DMD: variants seen among roughly 807,000 people sequenced by gnomAD.
The protein encoded by DMD is mutant dystrophin.
DMD carries 63 observed loss-of-function variants against 330.1 expected under a neutral mutation model. That is an observed-to-expected ratio of 0.19 (90% CI 0.16 to 0.24). DMD has a LOEUF of 0.24. Among genes scored for constraint, DMD ranks in the 10% least tolerant of loss-of-function variants. The pLI, the probability that DMD is intolerant of heterozygous loss-of-function variation, is 1.00. For synonymous variants in DMD, 1,223 were observed against 959.8 expected (o/e 1.27, Z -5.07); for missense variants, 3,344 against 2,684.1 (o/e 1.25, Z -5.43).
At chrX:32,691,844 T>G (rs1569461024) in intron 9 of DMD, among the ~76,000 whole-genome samples, 2 of 111,440 alleles carry the variant, frequency 1.8e-5, no homozygotes, top group Non-Finnish European at 3.8e-5. Flanking sequence ...AAAGAGATCC[T>G]GCCACATTAA....
At chrX:32,386,971 GT>G (rs769234117) in intron 32 of DMD, among the ~76,000 whole-genome samples, 1 of 110,188 alleles carries the variant, frequency 9.1e-6, no homozygotes, top group South Asian at 3.8e-4. Context: ...TTACATATTA[GT>G]AACATTAAAG....
intron 47 of DMD, among the ~76,000 whole-genome samples, chrX:31,908,894 C>T (rs1466055973): frequency 9.0e-6 from 1 of 111,120 alleles, no homozygotes; most frequent in South Asian, 3.8e-4. Context: ...CAAAGAGATG[C>T]AAGTACAGGA....
chrX:32,801,269 T>C, intron 7 of DMD, among the ~76,000 whole-genome samples: 1 of 112,227 alleles, frequency 8.9e-6, no homozygotes, highest in East Asian at 2.8e-4. Context: ...ATTTCTCTAA[T>C]GACCAGTGAT....
Position 31,479,093 on chromosome X carries a change from C to G in DMD, c.8558G>C (p.Arg2853Thr). Residue 2853 changes from arginine to threonine, a missense_variant, in exon 58 of 79, where the codon AGG (arginine) becomes ACG (threonine). Arg to Thr is a moderately conservative substitution (Grantham distance 71). Transcript: ENST00000357033. ...KQNDVHRAFK[R>T]ELKTKEPVIM... ...TACAGGTTCTTTAGTTTTCAATTCC[C>G]TCTTGAAGGCCTGTGAAATGAGATG... The G allele has an allele frequency of 8.3e-7, 1 of 1,210,364 alleles. No individual in the cohort carries two copies. Among genetic ancestry groups the G allele is most frequent in the Non-Finnish European group, 1.1e-6 (1 of 894,648 alleles).
At chrX:32,127,185 T>C (rs948665834) in intron 44 of DMD, among the ~76,000 whole-genome samples, 9 of 111,629 alleles carry the variant, frequency 8.1e-5, no homozygotes, top group Admixed American at 3.8e-4. Flanking sequence ...TTCCCTTAAG[T>C]GCCTGCTTGA....
At position 31,444,636 on chromosome X, in the gene DMD, A is replaced by G; in HGVS notation, c.8938-9T>C. The G allele has an allele frequency of 2.5e-6, 3 of 1,211,048 alleles. No individual in the cohort carries two copies. Among genetic ancestry groups the G allele is most frequent in the Non-Finnish European group, 3.4e-6 (3 of 895,020 alleles). The stretch of plus-strand genomic sequence containing the variant: ...ATTTCTCCTCGAAGTGCCTGTGTGC[A>G]ATAGTCAAAAGCAAATTGGAAGATG... On this transcript the variant is annotated splice_polypyrimidine_tract_variant and intron_variant, in intron 59 of 78. Coordinates refer to ENST00000357033, the MANE Select transcript of DMD (RefSeq NM_004006.3).
At chrX:32,724,171 A>T (rs1422380421) in intron 7 of DMD, among the ~76,000 whole-genome samples, 1 of 112,373 alleles carries the variant, frequency 8.9e-6, no homozygotes, top group Non-Finnish European at 1.9e-5. Flanking sequence ...GTCCAACTGG[A>T]ATGTATAAAT....
At chrX:33,134,674 C>T (rs2095516554) in intron 1 of DMD, among the ~76,000 whole-genome samples, 1 of 112,187 alleles carries the variant, frequency 8.9e-6, no homozygotes, top group African/African-American at 3.2e-5. Flanking sequence ...CTACAACATA[C>T]ACATAGATCA....
chrX:31,644,363 A>G (rs2079958152), intron 54 of DMD, among the ~76,000 whole-genome samples: 1 of 112,028 alleles, frequency 8.9e-6, no homozygotes, highest in African/African-American at 3.2e-5. Flanking sequence ...CACACACAGA[A>G]AAAGGAGACT....
rs897866200 is a variant in DMD, at chrX:31,121,444, G to A, written c.*475C>T. 1.1e-4 allele frequency: 14 copies of A among 129,790 alleles called. No homozygotes were observed. The highest frequency in any genetic ancestry group is 2.0e-4 in the Non-Finnish European group (14 of 68,661). 10.7% of individuals were successfully genotyped at this position (129,790 alleles called of 1,213,427 possible). Reference sequence around the variant, plus strand: ...CAAAGTTTTGTGTGTGTGTGTGTATGTGTGTGTGTGTGTGTTTGTTTTGTT... The same window carrying A: ...CAAAGTTTTGTGTGTGTGTGTGTATATGTGTGTGTGTGTGTTTGTTTTGTT... On this transcript the variant is annotated 3_prime_UTR_variant, in exon 79 of 79. Coordinates refer to ENST00000357033, the MANE Select transcript of DMD (RefSeq NM_004006.3).
intron 44 of DMD, among the ~76,000 whole-genome samples, chrX:32,015,801 C>T (rs1439628467): frequency 1.8e-5 from 2 of 111,935 alleles, no homozygotes; most frequent in Non-Finnish European, 3.8e-5. Flanking sequence ...CATCTGATAC[C>T]ATTCACCAAG....
chrX:32,210,884 C>A (rs1259155749), intron 44 of DMD, among the ~76,000 whole-genome samples: 1 of 111,680 alleles, frequency 9.0e-6, no homozygotes, highest in Non-Finnish European at 1.9e-5. Context: ...GGAGGACGGT[C>A]TTTTCATGGA....
At chrX:32,402,736 A>G (rs1326602344) in intron 30 of DMD, among the ~76,000 whole-genome samples, 2 of 111,543 alleles carry the variant, frequency 1.8e-5, no homozygotes, top group Admixed American at 9.6e-5. Flanking sequence ...AGTATTTTGG[A>G]AAGGTTTTCA....
chrX:32,001,916 C>A (rs1232762857), intron 44 of DMD, among the ~76,000 whole-genome samples: 2 of 111,468 alleles, frequency 1.8e-5, no homozygotes, highest in African/African-American at 6.5e-5. Context: ...TGATCACATT[C>A]CCTGGAAAGT....
At chrX:32,821,324 C>G (rs2078223068) in intron 5 of DMD, among the ~76,000 whole-genome samples, 1 of 111,458 alleles carries the variant, frequency 9.0e-6, no homozygotes, top group Non-Finnish European at 1.9e-5. Context: ...GTGGCTCATG[C>G]CTGCAATCCC....
upstream of DMD, among the ~76,000 whole-genome samples, chrX:33,216,330 A>T (rs1329559434): frequency 9.0e-6 from 1 of 111,725 alleles, no homozygotes; most frequent in East Asian, 2.8e-4. Flanking sequence ...TATCCTATGC[A>T]AATTAACACA....
chrX:32,816,331 C>T (rs1480549804), intron 6 of DMD, 137 bp downstream of exon 6: 3 of 642,222 alleles, frequency 4.7e-6, no homozygotes, highest in Non-Finnish European at 7.4e-6. Flanking sequence ...TCCAATGGAA[C>T]GTTAGATCAA....
chrX:32,626,848 T>A (rs1269456310), intron 11 of DMD, among the ~76,000 whole-genome samples: 1 of 104,367 alleles, frequency 9.6e-6, no homozygotes, highest in Non-Finnish European at 1.9e-5. Flanking sequence ...AGAAAAGAAA[T>A]CCAAGATAGG....
At chrX:31,166,922 C>A (rs1485942538) in intron 74 of DMD, among the ~76,000 whole-genome samples, 2 of 111,495 alleles carry the variant, frequency 1.8e-5, no homozygotes, top group Non-Finnish European at 3.8e-5. Flanking sequence ...TCTAAGTAGG[C>A]CTGGTGTTAT....
Sources: allele counts gnomAD v4.1 joint callset (sites outside exome capture counted in the v4.1 genomes callset), GRCh38; gene constraint gnomAD v4.1.1; transcripts MANE v1.5; gene names NCBI Gene and HGNC (gene_info 2026-07-23, HGNC 2026-07-21).